Variants in ATP6V1A observed in about 807,000 individuals in gnomAD.
ATP6V1A encodes the protein ATPase H+ transporting V1 subunit A.
ATP6V1A carries 18 observed loss-of-function variants against 70.1 expected under a neutral mutation model. The observed-to-expected ratio is 0.26, with a 90% CI of 0.18 to 0.38. The LOEUF (loss-of-function observed/expected upper bound fraction) is 0.38. Ranked by LOEUF, ATP6V1A falls within the 10% of genes least tolerant of loss-of-function variation. The pLI, the probability that ATP6V1A is intolerant of heterozygous loss-of-function variation, is 1.00. For missense variants in ATP6V1A, 424 were observed against 772.4 expected (o/e 0.55, Z 5.35); for synonymous variants, 232 against 253.8 (o/e 0.91, Z 0.82).
chr3:113,794,363 C>A (rs1293970943), intron 8 of ATP6V1A, among the ~76,000 whole-genome samples: 1 of 152,186 alleles, frequency 6.6e-6, no homozygotes, highest in African/African-American at 2.4e-5. Context: ...TAGAGAAAGT[C>A]ATTTCCTGCT....
chr3:113,797,637 CAA>C (rs980118249), intron 11 of ATP6V1A, among the ~76,000 whole-genome samples: 5 of 152,064 alleles, frequency 3.3e-5, no homozygotes, highest in Non-Finnish European at 5.9e-5. Context: ...TAATAATTTT[CAA>C]AAGAGTAAAT....
rs1185117698 is a variant in ATP6V1A at position 113,809,337 on chromosome 3, T to C, written c.1764T>C (p.Asp588=). Reference sequence around the variant, plus strand: ...GAATTTGTAATGTCTTCTTTCAGGATCCACTGAAAGATGGTGAGGCAAAGA... The same window carrying C: ...GAATTTGTAATGTCTTCTTTCAGGACCCACTGAAAGATGGTGAGGCAAAGA... ...LYKLSSMKFK[D]PLKDGEAKIK... is the part of the protein sequence containing the mutation. The change falls in exon 15 of 15, where the codon GAT becomes GAC. Residue 588 remains aspartate (D), a splice_region_variant and synonymous_variant. Coordinates refer to ENST00000273398, the MANE Select transcript of ATP6V1A (RefSeq NM_001690.4). 1.2e-6 allele frequency: 2 copies of C among 1,609,460 alleles called. No homozygotes were observed. The highest frequency in any genetic ancestry group is 3.4e-5 in the Admixed American group (2 of 59,544).
At chr3:113,789,289 C>T (rs1321047562) in intron 7 of ATP6V1A, among the ~76,000 whole-genome samples, 2 of 152,136 alleles carry the variant, frequency 1.3e-5, no homozygotes, top group Non-Finnish European at 1.5e-5. Flanking sequence ...CTCCAATAAT[C>T]GACCCACTTC....
chr3:113,798,153 T>G (rs980170580), intron 11 of ATP6V1A, 90 bp from the exon 12 acceptor site: 1 of 1,426,638 alleles, frequency 7.0e-7, no homozygotes, highest in East Asian at 2.3e-5. Context: ...AAAAAAGAAT[T>G]GCATAGTTGG....
chr3:113,749,263 TCACACA>T (rs58516178), intron 1 of ATP6V1A, among the ~76,000 whole-genome samples: 13,754 of 141,136 alleles, frequency 0.097, 642 homozygotes, highest in Non-Finnish European at 0.11. Flanking sequence ...TATACACAGA[TCACACA>T]CACACACACA....
At chr3:113,782,591 T>C (rs901012628) in intron 3 of ATP6V1A, among the ~76,000 whole-genome samples, 1 of 147,124 alleles carries the variant, frequency 6.8e-6, no homozygotes, top group Non-Finnish European at 1.5e-5. Context: ...TATACACATA[T>C]ATATATATAT....
chr3:113,776,347 G>A (rs1440347972), intron 1 of ATP6V1A, among the ~76,000 whole-genome samples: 3 of 152,122 alleles, frequency 2.0e-5, no homozygotes, highest in Non-Finnish European at 2.9e-5. Context: ...TCCAGCCTGC[G>A]TGACAGCGAG....
At chr3:113,762,127 G>A (rs1346030665) in intron 1 of ATP6V1A, among the ~76,000 whole-genome samples, 1 of 130,512 alleles carries the variant, frequency 7.7e-6, no homozygotes, top group African/African-American at 2.8e-5. Context: ...ACTGCAGCCT[G>A]GGCAACAAGA....
chr3:113,798,776 A>G (rs148161513), intron 12 of ATP6V1A, among the ~76,000 whole-genome samples: 1 of 152,316 alleles, frequency 6.6e-6, no homozygotes, highest in Non-Finnish European at 1.5e-5. Context: ...AGTTCCTCCA[A>G]TAATTAGCTA....
chr3:113,761,191 C>T (rs1249358832), intron 1 of ATP6V1A, among the ~76,000 whole-genome samples: 1 of 151,850 alleles, frequency 6.6e-6, no homozygotes, highest in Non-Finnish European at 1.5e-5. Context: ...ATCCTCCCAC[C>T]TCAGCTTCCC....
chr3:113,805,570 C>A lies in ATP6V1A; in HGVS notation c.1761+45C>A, dbSNP rs1559761846. The stretch of plus-strand genomic sequence containing the variant: ...TAACTTTTTTTATTTGGAAATGCTT[C>A]TTTTTTTCTTTTTTTTTTAGACAGA... On this transcript the variant is annotated intron_variant, in intron 14 of 14. Transcript: ENST00000273398. 2.6e-6 allele frequency: 4 copies of A among 1,526,630 alleles called. No homozygotes were observed. In the South Asian group the frequency reaches 4.7e-5, roughly 18 times the overall value. The allele number at this position is 1,526,630 out of a possible 1,614,324, so 94.6% of individuals were successfully genotyped here.
intron 1 of ATP6V1A, among the ~76,000 whole-genome samples, chr3:113,771,892 G>T (rs1708845824): frequency 6.6e-6 from 1 of 152,176 alleles, no homozygotes; most frequent in South Asian, 2.1e-4. Flanking sequence ...AGCATGCCAA[G>T]AAATTTCCTT....
rs1289967106 is a variant in ATP6V1A, at chr3:113,809,659, A to G, written c.*232A>G. The G allele has an allele frequency of 5.3e-6, 2 of 376,952 alleles. No homozygotes were observed. The highest frequency in any genetic ancestry group is 3.2e-5 in the South Asian group (1 of 31,204). The allele number at this position is 376,952 out of a possible 1,614,324, so 23.4% of individuals were successfully genotyped here. On this transcript the variant is annotated 3_prime_UTR_variant, in exon 15 of 15. Transcript: ENST00000273398. ...TCTTCCTTTATCTGAAGTGGTGAAT[A>G]TAGTAAATATACATTCTGGTTACAC...
chr3:113,803,542 A>G, intron 12 of ATP6V1A, 41 bp from the exon 13 acceptor site: 1 of 1,443,022 alleles, frequency 6.9e-7, no homozygotes. Context: ...TCAATCTTAC[A>G]TTTTAGAGTA....
chr3:113,763,244 C>T (rs1486570849), intron 1 of ATP6V1A, among the ~76,000 whole-genome samples: 7 of 152,122 alleles, frequency 4.6e-5, no homozygotes, highest in Non-Finnish European at 7.3e-5. Flanking sequence ...CCTGCCATCA[C>T]GCCCAGCTAA....
rs138089165 is a variant in ATP6V1A, at chr3:113,784,381, C to T, written c.369C>T (p.Asn123=). Residue 123 remains asparagine, a synonymous_variant, in exon 4 of 15, where the codon AAC becomes AAT. Transcript: ENST00000273398. ...TQSIYIPRGV[N]VSALSRDIKW... The stretch of plus-strand genomic sequence containing the variant: ...GCATCTACATCCCCAGAGGAGTAAA[C>T]GTGTCTGCTCTTAGCAGAGATATCA... The T allele has an allele frequency of 8.1e-6, 13 of 1,614,018 alleles. No homozygotes were observed. Among genetic ancestry groups the T allele is most frequent in the South Asian group, 3.3e-5 (3 of 91,086 alleles).
At chr3:113,781,007 A>T (rs780412537) in intron 2 of ATP6V1A, 43 bp from the exon 3 acceptor site, 5 of 1,560,296 alleles carry the variant, frequency 3.2e-6, no homozygotes, top group South Asian at 2.5e-5. Context: ...TTCACAGAGC[A>T]CTAGAGTCTT....
chr3:113,747,685 C>T lies in ATP6V1A; in HGVS notation c.-14+572C>T, dbSNP rs145739697. The stretch of plus-strand genomic sequence containing the variant: ...GCAGGGAAGGTTCCGTAGATGTTCA[C>T]GTGCTTCGGATGGGACTAGAAAAGT... On this transcript the variant is annotated intron_variant, in intron 1 of 14. Coordinates refer to ENST00000273398, the MANE Select transcript of ATP6V1A (RefSeq NM_001690.4). Among the ~76,000 whole-genome samples the T allele has an allele frequency of 5.9e-3, 900 of 152,282 alleles. 13 individuals carry two copies. The highest frequency in any genetic ancestry group is 0.021 in the African/African-American group (853 of 41,554).
chr3:113,749,992 A>T (rs1708568032), intron 1 of ATP6V1A, among the ~76,000 whole-genome samples: 1 of 152,174 alleles, frequency 6.6e-6, no homozygotes, highest in African/African-American at 2.4e-5. Context: ...AATATGGGAG[A>T]GAAGGGAAGA....
Sources: allele counts gnomAD v4.1 joint callset (sites outside exome capture counted in the v4.1 genomes callset), GRCh38; gene constraint gnomAD v4.1.1; transcripts MANE v1.5; gene names NCBI Gene and HGNC (gene_info 2026-07-23, HGNC 2026-07-21).